The following ABHD18 variants were observed in gnomAD, a reference collection of about 807,000 sequenced individuals.
ABHD18 encodes cardiolipin-specific deacylase, mitochondrial.
A neutral mutation model predicts 65.9 loss-of-function variants in ABHD18; 55 were observed. The observed-to-expected ratio is 0.84, with a 90% CI of 0.67 to 1.05. The LOEUF is 1.05. Ranked by LOEUF, ABHD18 falls within the 50% of genes least tolerant of loss-of-function variation. The probability of loss-of-function intolerance (pLI) is 0.00; values close to 1 mark genes in which losing one functional copy is unlikely to be tolerated. For synonymous variants in ABHD18, 181 were observed against 180.2 expected (o/e 1.00, Z -0.04); for missense variants, 533 against 558.5 (o/e 0.95, Z 0.46).
At position 128,031,467 on chromosome 4, in the gene ABHD18, CA is replaced by C. The variant is rs571594420; in HGVS notation, c.1343+806del. ...TGGGAGACAGAGCGAGACTCCGTCT[CA>C]AAAAAAAAAATTTTTTTATGCTAAA... is the stretch of plus-strand genomic sequence containing the variant. On this transcript the variant is annotated intron_variant, in intron 12 of 12. Transcript: ENST00000645843. Among the ~76,000 whole-genome samples the C allele has an allele frequency of 2.2e-3, 330 of 148,176 alleles. 1 individual carries two copies. The highest frequency in any genetic ancestry group is 3.5e-3 in the Non-Finnish European group (236 of 66,818).
intron 1 of ABHD18, among the ~76,000 whole-genome samples, chr4:127,969,104 A>G (rs1012048974): frequency 2.0e-5 from 3 of 152,068 alleles, no homozygotes; most frequent in African/African-American, 4.8e-5. Flanking sequence ...AGGTAAATAT[A>G]GTAAGGAATA....
At chr4:127,999,092 T>C (rs1475627754) in intron 4 of ABHD18, among the ~76,000 whole-genome samples, 1 of 151,794 alleles carries the variant, frequency 6.6e-6, no homozygotes, top group Non-Finnish European at 1.5e-5. Flanking sequence ...AACATGAGCC[T>C]GGCCAACATG....
intron 4 of ABHD18, among the ~76,000 whole-genome samples, chr4:128,006,876 G>A (rs746718723): frequency 3.3e-5 from 5 of 152,166 alleles, no homozygotes; most frequent in Non-Finnish European, 7.3e-5. Context: ...CTTCAACCCA[G>A]GAGTTCAAGA....
In ABHD18 at chr4:128,015,171, G is replaced by T. The variant is rs115042581; in HGVS notation, c.471-2192G>T. ...GAGGTGGGAGAATCACCTGAGCCTG[G>T]CAAGTCGAGGCTGTTGTGAGCCATG... is the stretch of plus-strand genomic sequence containing the variant. On this transcript the variant is annotated intron_variant, in intron 7 of 12. Transcript: ENST00000645843. Among the ~76,000 whole-genome samples the T allele has an allele frequency of 9.5e-4, 145 of 152,098 alleles. 2 individuals are homozygous for T. Among genetic ancestry groups the T allele is most frequent in the African/African-American group, 3.3e-3 (138 of 41,490 alleles).
At chr4:127,988,210 A>T (rs550343697) in intron 3 of ABHD18, among the ~76,000 whole-genome samples, 8 of 152,250 alleles carry the variant, frequency 5.3e-5, no homozygotes, top group African/African-American at 1.4e-4. Flanking sequence ...TACAAAAAAA[A>T]TTTTTGGTTT....
Position 127,989,770 on chromosome 4 carries a change from C to G in ABHD18, c.227C>G (p.Pro76Arg), listed in dbSNP as rs1232113327. The G allele has an allele frequency of 6.2e-7, 1 of 1,602,432 alleles. No homozygotes were observed. Among genetic ancestry groups the G allele is most frequent in the Non-Finnish European group, 8.5e-7 (1 of 1,174,290 alleles). ...ATCTTAGATGGACACTTTGTTTCCC[C>G]CATGGCTCACTATGTGCCTGATATC... ...CKILDGHFVSPMAHYVPDIMP... is the reference protein window; with the variant it reads ...CKILDGHFVSRMAHYVPDIMP... Residue 76 changes from proline to arginine, a missense_variant, in exon 4 of 13, where the codon CCC (proline) becomes CGC (arginine). This residue lies in a region of ABHD18 where 309 missense variants were observed against 313.5 expected (regional missense o/e 0.99). Transcript: ENST00000645843.
At chr4:128,021,762 A>T (rs907031142) in intron 10 of ABHD18, among the ~76,000 whole-genome samples, 7 of 152,222 alleles carry the variant, frequency 4.6e-5, no homozygotes, top group Non-Finnish European at 1.0e-4. Flanking sequence ...CACTGTAACT[A>T]GTACCTAGGT....
At chr4:127,977,121 G>T (rs570890851) in intron 1 of ABHD18, among the ~76,000 whole-genome samples, 2 of 152,022 alleles carry the variant, frequency 1.3e-5, no homozygotes, top group East Asian at 3.9e-4. Context: ...TCCCAATTAG[G>T]TATATTATTA....
At chr4:128,009,940 A>G (rs373344618) in intron 6 of ABHD18, among the ~76,000 whole-genome samples, 1 of 152,238 alleles carries the variant, frequency 6.6e-6, no homozygotes, top group South Asian at 2.1e-4. Flanking sequence ...ATAGTTATGT[A>G]AACTGTGATT....
intron 10 of ABHD18, among the ~76,000 whole-genome samples, chr4:128,026,589 T>A (rs1281143291): frequency 6.6e-6 from 1 of 152,126 alleles, no homozygotes; most frequent in Non-Finnish European, 1.5e-5. Context: ...TTAAAGTGAT[T>A]TGCCATTTGT....
intron 1 of ABHD18, among the ~76,000 whole-genome samples, chr4:127,973,505 A>T (rs559715806): frequency 6.6e-6 from 1 of 152,044 alleles, no homozygotes; most frequent in Non-Finnish European, 1.5e-5. Context: ...TCAGTGTAGC[A>T]GACAGTTTCT....
At chr4:127,971,613 C>T (rs1422644369) in intron 1 of ABHD18, among the ~76,000 whole-genome samples, 2 of 149,502 alleles carry the variant, frequency 1.3e-5, no homozygotes, top group Non-Finnish European at 3.0e-5. Context: ...GCCTCAGCCT[C>T]CTGAGTAGCT....
At position 127,997,078 on chromosome 4, in the gene ABHD18, AGAGTATTG is replaced by A. The variant is rs1310391390; in HGVS notation, c.278+7258_278+7265del. On this transcript the variant is annotated intron_variant, in intron 4 of 12. Transcript: ENST00000645843. ...GTAAAGACAGGCATAAGAAATTATA[AGAGTATTG>A]ATTGGAGAAGTGATAAACGTCCATG... Among the ~76,000 whole-genome samples, 11 of 152,380 alleles carry A rather than the reference AGAGTATTG, an allele frequency of 7.2e-5. No individual in the cohort carries two copies. The East Asian group carries it at 2.1e-3, about 29-fold the overall frequency.
chr4:128,021,975 T>G (rs1476834888), intron 10 of ABHD18, among the ~76,000 whole-genome samples: 1 of 152,130 alleles, frequency 6.6e-6, no homozygotes, highest in Non-Finnish European at 1.5e-5. Context: ...TAAGTTGCCT[T>G]CCGATAGAAA....
intron 4 of ABHD18, among the ~76,000 whole-genome samples, chr4:127,996,330 A>G (rs1366735173): frequency 6.6e-6 from 1 of 152,182 alleles, no homozygotes; most frequent in Non-Finnish European, 1.5e-5. Context: ...GAGAAAGAGT[A>G]CAAACAGAGA....
intron 9 of ABHD18, 74 bp from the exon 10 acceptor site, chr4:128,021,063 C>G (rs1259708975): frequency 1.6e-5 from 13 of 800,424 alleles, no homozygotes; most frequent in South Asian, 8.0e-5. Context: ...TAGTCTCACA[C>G]AGTAATAATA....
intron 4 of ABHD18, among the ~76,000 whole-genome samples, chr4:127,994,912 C>T (rs900337539): frequency 4.6e-5 from 7 of 152,124 alleles, no homozygotes; most frequent in Non-Finnish European, 8.8e-5. Context: ...TGGAGTCTCA[C>T]TCTGTTGCCC....
chr4:127,973,002 TCC>T (rs1334620715), intron 1 of ABHD18, among the ~76,000 whole-genome samples: 6 of 151,994 alleles, frequency 3.9e-5, no homozygotes, highest in African/African-American at 1.4e-4. Context: ...TCCCCTACCC[TCC>T]CCACTCGTTT....
intron 4 of ABHD18, among the ~76,000 whole-genome samples, chr4:127,997,195 T>C (rs1357399746): frequency 6.6e-6 from 1 of 152,232 alleles, no homozygotes; most frequent in Non-Finnish European, 1.5e-5. Context: ...AACTGATAAA[T>C]GTCCATGAAA....
Sources: allele counts gnomAD v4.1 joint callset (sites outside exome capture counted in the v4.1 genomes callset), GRCh38; gene constraint gnomAD v4.1.1; regional missense constraint gnomAD v4.1.1; transcripts MANE v1.5; gene names NCBI Gene and HGNC (gene_info 2026-07-23, HGNC 2026-07-21).